HIVEP3: variants seen among roughly 807,000 people sequenced by gnomAD.
HIVEP3 encodes the protein transcription factor HIVEP3.
In HIVEP3, 49 loss-of-function variants were observed where a neutral mutation model predicts 152.8. The ratio of observed to expected loss-of-function variants is 0.32; its 90% CI spans 0.26 to 0.41. HIVEP3 has a LOEUF of 0.41. HIVEP3 is among the 10% of genes least tolerant of loss of function. The pLI is 1.00. For synonymous variants in HIVEP3, 1,269 were observed against 1,289.0 expected (o/e 0.98, Z 0.33); for missense variants, 2,790 against 3,103.3 (o/e 0.90, Z 2.40).
chr1:41,515,923 G>A (rs1308228846), intron 7 of HIVEP3, among the ~76,000 whole-genome samples: 5 of 152,184 alleles, frequency 3.3e-5, no homozygotes, highest in Non-Finnish European at 7.3e-5. Flanking sequence ...GGGATTGTCA[G>A]CATTTTGCAG....
intron 2 of HIVEP3, among the ~76,000 whole-genome samples, chr1:41,697,243 G>A (rs1032246286): frequency 4.6e-5 from 7 of 152,144 alleles, no homozygotes; most frequent in African/African-American, 1.4e-4. Flanking sequence ...TGACCAGCTC[G>A]GAAGCCATAG....
At position 41,510,709 on chromosome 1, in the gene HIVEP3, T is replaced by C. The variant is rs1456422554; in HGVS notation, c.6963A>G (p.Gly2321=). ...GGCTCCAGGACTGCGCTGCCCGGCGTCCCTGGGGCGGCCGGGGCAAGGTGT... is the reference window on the plus strand; with the variant it reads ...GGCTCCAGGACTGCGCTGCCCGGCGCCCCTGGGGCGGCCGGGGCAAGGTGT... ...PPDTLPRPPQ[G]RRAAQSWSPR... is the part of the protein sequence containing the mutation. Residue 2321 remains glycine (G), a synonymous_variant, in exon 9 of 9, where the codon GGA becomes GGG. Transcript: ENST00000372583. 4.6e-6 allele frequency: 7 copies of C among 1,530,454 alleles called. No homozygotes were observed. The highest frequency in any genetic ancestry group is 6.1e-6 in the Non-Finnish European group (7 of 1,138,618). The allele number at this position is 1,530,454 out of a possible 1,614,324, so 94.8% of individuals were successfully genotyped here.
intron 1 of HIVEP3, among the ~76,000 whole-genome samples, chr1:41,800,712 G>A (rs1465889654): frequency 6.6e-6 from 1 of 152,244 alleles, no homozygotes; most frequent in African/African-American, 2.4e-5. Context: ...GATAGAGGAT[G>A]TGGGAAGTCC....
intron 1 of HIVEP3, among the ~76,000 whole-genome samples, chr1:41,947,131 C>A (rs11806345): frequency 1.3e-5 from 2 of 152,128 alleles, no homozygotes; most frequent in African/African-American, 4.8e-5. Context: ...ATTGTTTTAC[C>A]CCAAGGGTTC....
intron 2 of HIVEP3, among the ~76,000 whole-genome samples, chr1:41,630,100 A>G (rs1465141575): frequency 6.6e-6 from 1 of 152,262 alleles, no homozygotes; most frequent in East Asian, 1.9e-4. Flanking sequence ...TAGTCATAAA[A>G]AAGAACAAAA....
intron 1 of HIVEP3, among the ~76,000 whole-genome samples, chr1:41,721,851 G>A (rs115020890): frequency 0.016 from 2,436 of 152,250 alleles, 61 homozygotes; most frequent in African/African-American, 0.056. Flanking sequence ...GCTGTCCATC[G>A]GTGCACAGAA....
chr1:41,959,324 A>C (rs1214378347), intron 1 of HIVEP3, among the ~76,000 whole-genome samples: 1 of 152,130 alleles, frequency 6.6e-6, no homozygotes, highest in Non-Finnish European at 1.5e-5. Context: ...CCAGGTATAG[A>C]TTTATTTTTC....
intron 2 of HIVEP3, among the ~76,000 whole-genome samples, chr1:41,667,426 T>C (rs1281660023): frequency 6.6e-6 from 1 of 152,246 alleles, no homozygotes; most frequent in East Asian, 1.9e-4. Flanking sequence ...CACCAGCATT[T>C]TGGGGGACTC....
intron 1 of HIVEP3, among the ~76,000 whole-genome samples, chr1:41,710,603 T>C (rs927252437): frequency 1.3e-5 from 2 of 152,130 alleles, no homozygotes; most frequent in Admixed American, 6.5e-5. Flanking sequence ...AGCCCAGTCC[T>C]CCCTCTCACA....
At position 41,870,122 on chromosome 1, in the gene HIVEP3, G is replaced by A. The variant is rs528721416; in HGVS notation, c.-801+48291C>T. On this transcript the variant is annotated intron_variant, in intron 1 of 8. Coordinates refer to ENST00000372583, the MANE Select transcript of HIVEP3 (RefSeq NM_024503.5). The stretch of plus-strand genomic sequence containing the variant: ...TGGGACTGCTGACATCCCAAACATA[G>A]TGCCCCTATGACTCCAAGAAGGGAA... 8.5e-5 allele frequency among the ~76,000 whole-genome samples: 13 copies of A among 152,190 alleles called. No homozygotes were observed. The South Asian group carries it at 2.7e-3, about 32-fold the overall frequency.
rs1462918638 is a variant in HIVEP3, at chr1:42,007,977, CCCTTTTAAAACCTCCCACGAAGA to C, written n.119+27807_119+27829del. ...CTTACATCTTTATTTCTTGCTGTATCCCTTTTAAAACCTCCCACGAAGACTCACCTATATTCCTTCCACTTCAT... is the reference window on the plus strand; with the variant it reads ...CTTACATCTTTATTTCTTGCTGTATCCTCACCTATATTCCTTCCACTTCAT... On this transcript the variant is annotated intron_variant and non_coding_transcript_variant, in intron 1 of 3. Coordinates refer to the HIVEP3 transcript ENST00000489103. 3.3e-5 allele frequency among the ~76,000 whole-genome samples: 5 copies of C among 152,222 alleles called. No homozygotes were observed. In the East Asian group the frequency reaches 9.7e-4, roughly 29 times the overall value.
At chr1:41,545,081 C>A (rs1398353917) in intron 5 of HIVEP3, among the ~76,000 whole-genome samples, 9 of 133,372 alleles carry the variant, frequency 6.7e-5, no homozygotes, top group African/African-American at 2.3e-4. Flanking sequence ...CCAACATCAC[C>A]ACCTCTACCA....
At chr1:41,743,871 T>C (rs189332524) in intron 1 of HIVEP3, among the ~76,000 whole-genome samples, 186 of 152,034 alleles carry the variant, frequency 1.2e-3, no homozygotes, top group African/African-American at 4.2e-3. Flanking sequence ...AATTGGGAAA[T>C]GGAAGGGAAA....
At chr1:41,945,472 T>C (rs985829070) in intron 1 of HIVEP3, among the ~76,000 whole-genome samples, 7 of 152,220 alleles carry the variant, frequency 4.6e-5, no homozygotes, top group Non-Finnish European at 8.8e-5. Flanking sequence ...CATGGAGAGA[T>C]ATAATGTTAC....
At chr1:41,781,201 G>A (rs1649018834) in intron 1 of HIVEP3, among the ~76,000 whole-genome samples, 1 of 152,168 alleles carries the variant, frequency 6.6e-6, no homozygotes, top group Non-Finnish European at 1.5e-5. Context: ...ATCCATGCTT[G>A]GACCAGACCA....
At chr1:41,932,765 A>C (rs1240625402) in intron 1 of HIVEP3, among the ~76,000 whole-genome samples, 1 of 151,632 alleles carries the variant, frequency 6.6e-6, no homozygotes, top group Non-Finnish European at 1.5e-5. Context: ...GTGGATGCTT[A>C]CCTTACTGAT....
At chr1:41,727,428 T>C (rs1646772522) in intron 1 of HIVEP3, among the ~76,000 whole-genome samples, 1 of 151,952 alleles carries the variant, frequency 6.6e-6, no homozygotes, top group South Asian at 2.1e-4. Flanking sequence ...GATCCCAAAG[T>C]GGCAGCAGGC....
intron 1 of HIVEP3, among the ~76,000 whole-genome samples, chr1:41,768,460 G>A (rs11580013): frequency 0.47 from 71,545 of 152,094 alleles, 19,718 homozygotes; most frequent in Non-Finnish European, 0.63. Context: ...GGACACAGCC[G>A]AACCATATCT....
intron 1 of HIVEP3, among the ~76,000 whole-genome samples, chr1:41,758,414 A>C (rs1558243907): frequency 6.6e-6 from 1 of 152,222 alleles, no homozygotes; most frequent in Non-Finnish European, 1.5e-5. Context: ...CTGCAGACAC[A>C]TCTATCCACC....
Sources: allele counts gnomAD v4.1 joint callset (sites outside exome capture counted in the v4.1 genomes callset), GRCh38; gene constraint gnomAD v4.1.1; transcripts MANE v1.5; gene names NCBI Gene and HGNC (gene_info 2026-07-23, HGNC 2026-07-21).